TMC1: variants seen among roughly 807,000 people sequenced by gnomAD.
TMC1 encodes the protein transmembrane channel like 1.
A neutral mutation model predicts 105.8 loss-of-function variants in TMC1; 84 were observed. The ratio of observed to expected loss-of-function variants is 0.79; its 90% CI spans 0.67 to 0.95. TMC1 has a LOEUF of 0.95. Among genes scored for constraint, TMC1 ranks in the 40% least tolerant of loss-of-function variants. The pLI, the probability that TMC1 is intolerant of heterozygous loss-of-function variation, is 0.00. For synonymous variants in TMC1, 315 were observed against 311.5 expected (o/e 1.01, Z -0.12); for missense variants, 817 against 914.1 (o/e 0.89, Z 1.37).
chr9:72,826,163 A>G (rs1448029592), intron 20 of TMC1, among the ~76,000 whole-genome samples: 2 of 152,220 alleles, frequency 1.3e-5, no homozygotes, highest in African/African-American at 2.4e-5. Flanking sequence ...GAAAATAATG[A>G]TGTAATGAAT....
intron 13 of TMC1, among the ~76,000 whole-genome samples, chr9:72,786,687 T>C (rs1354509307): frequency 6.6e-6 from 1 of 152,196 alleles, no homozygotes; most frequent in Non-Finnish European, 1.5e-5. Flanking sequence ...CATATCTCAA[T>C]AAAAATGTGT....
At chr9:72,799,343 A>T (rs1384792292) in intron 17 of TMC1, among the ~76,000 whole-genome samples, 2 of 152,130 alleles carry the variant, frequency 1.3e-5, no homozygotes, top group African/African-American at 2.4e-5. Flanking sequence ...ATAACATAAA[A>T]ATTGAAGGAC....
chr9:72,618,022 CTTTTTTT>C (rs34497983), intron 3 of TMC1, among the ~76,000 whole-genome samples: 1 of 79,202 alleles, frequency 1.3e-5, no homozygotes, highest in Non-Finnish European at 2.3e-5. Context: ...CTGGGTACAT[CTTTTTTT>C]TTTTTTTTTT....
chr9:72,698,454 C>G (rs73650835), intron 7 of TMC1, among the ~76,000 whole-genome samples: 16,569 of 152,114 alleles, frequency 0.11, 964 homozygotes, highest in Non-Finnish European at 0.14. Context: ...TGCCTTATTT[C>G]TACTGTATCT....
At chr9:72,808,034 C>T (rs1828633637) in intron 18 of TMC1, among the ~76,000 whole-genome samples, 1 of 152,212 alleles carries the variant, frequency 6.6e-6, no homozygotes. Context: ...TCAAACTGGT[C>T]TCAGTCATCC....
chr9:72,535,516 C>T (rs572322684), intron 1 of TMC1, among the ~76,000 whole-genome samples: 11 of 152,270 alleles, frequency 7.2e-5, no homozygotes, highest in South Asian at 4.1e-4. Context: ...CTCACTTCCT[C>T]CTCAAGAACT....
chr9:72,623,983 G>A (rs1825300889), intron 3 of TMC1, among the ~76,000 whole-genome samples: 1 of 152,104 alleles, frequency 6.6e-6, no homozygotes, highest in Non-Finnish European at 1.5e-5. Context: ...AGGAAGAAAA[G>A]GTAAATCCAT....
At chr9:72,788,581 C>T in intron 14 of TMC1, 98 bp downstream of exon 14, 1 of 1,280,536 alleles carries the variant, frequency 7.8e-7, no homozygotes, top group Non-Finnish European at 1.1e-6. Context: ...TGACAATTTA[C>T]ATGAAAGATT....
At chr9:72,678,083 C>T (rs1468012861) in intron 5 of TMC1, among the ~76,000 whole-genome samples, 5 of 152,220 alleles carry the variant, frequency 3.3e-5, no homozygotes, top group African/African-American at 1.2e-4. Context: ...CACTTTCACA[C>T]CTTTTGGGTA....
chr9:72,738,952 A>T (rs553998055), intron 8 of TMC1, among the ~76,000 whole-genome samples: 3 of 151,982 alleles, frequency 2.0e-5, no homozygotes, highest in African/African-American at 4.8e-5. Context: ...ACAAGCCTGG[A>T]TTGCCTCTAT....
intron 19 of TMC1, among the ~76,000 whole-genome samples, chr9:72,817,503 T>C (rs996137939): frequency 6.6e-6 from 1 of 152,190 alleles, no homozygotes; most frequent in Non-Finnish European, 1.5e-5. Context: ...TTTGCTGTTA[T>C]GGCAGAAAAT....
chr9:72,532,510 C>T (rs999985584), intron 1 of TMC1, among the ~76,000 whole-genome samples: 2 of 116,200 alleles, frequency 1.7e-5, no homozygotes, highest in African/African-American at 6.8e-5. Context: ...CACTGTACTC[C>T]AGCCTGGACA....
chr9:72,657,224 G>T lies in TMC1; in HGVS notation c.16+8560G>T, dbSNP rs531737397. Among the ~76,000 whole-genome samples the T allele has an allele frequency of 2.7e-3, 411 of 152,272 alleles. 5 individuals are homozygous for T. The highest frequency in any genetic ancestry group is 9.3e-3 in the African/African-American group (388 of 41,554). Reference sequence around the variant, plus strand: ...AGTGAGACCACAAGCCACTGTTTGGGTTTCCCCTGCCCATGTTGCAGCCTA... The same window carrying T: ...AGTGAGACCACAAGCCACTGTTTGGTTTTCCCCTGCCCATGTTGCAGCCTA... On this transcript the variant is annotated intron_variant, in intron 5 of 23. Coordinates refer to ENST00000297784, the MANE Select transcript of TMC1 (RefSeq NM_138691.3).
intron 2 of TMC1, among the ~76,000 whole-genome samples, chr9:72,601,682 A>C (rs1020566914): frequency 2.0e-5 from 3 of 152,026 alleles, no homozygotes; most frequent in African/African-American, 7.2e-5. Flanking sequence ...AAAAACCAAA[A>C]CAAAAAACAT....
intron 1 of TMC1, among the ~76,000 whole-genome samples, chr9:72,568,143 GCTTTTGTAGTCAGATC>G (rs1824199253): frequency 6.6e-6 from 1 of 151,362 alleles, no homozygotes; most frequent in Admixed American, 6.6e-5. Context: ...ACATGGTTTA[GCTTTTGTAGTCAGATC>G]CTTTCCCCAA....
At chr9:72,820,254 C>T (rs1433004651) in intron 19 of TMC1, among the ~76,000 whole-genome samples, 2 of 152,180 alleles carry the variant, frequency 1.3e-5, no homozygotes, top group African/African-American at 2.4e-5. Context: ...AAATGATCAA[C>T]ATCAGAAAGA....
intron 8 of TMC1, among the ~76,000 whole-genome samples, chr9:72,703,669 C>T (rs759140945): frequency 6.6e-6 from 1 of 152,224 alleles, no homozygotes; most frequent in African/African-American, 2.4e-5. Context: ...AGCTGGGGAA[C>T]AAGCTAGGCA....
chr9:72,531,894 C>G (rs906764906), intron 1 of TMC1, among the ~76,000 whole-genome samples: 4 of 152,072 alleles, frequency 2.6e-5, no homozygotes, highest in Non-Finnish European at 5.9e-5. Flanking sequence ...CATTAGAATC[C>G]TGCTAGCCCT....
intron 4 of TMC1, among the ~76,000 whole-genome samples, chr9:72,629,010 C>T (rs959484789): frequency 6.6e-6 from 1 of 152,072 alleles, no homozygotes; most frequent in Non-Finnish European, 1.5e-5. Flanking sequence ...TACTAATTAG[C>T]AATAACTAGA....
Sources: gnomAD v4.1 joint callset for allele counts (sites outside exome capture counted in the v4.1 genomes callset) on GRCh38, gnomAD v4.1.1 for gene constraint, MANE v1.5 for transcripts, NCBI Gene and HGNC (gene_info 2026-07-23, HGNC 2026-07-21) for gene names.